Variants in SPMAP2 observed in about 807,000 individuals in gnomAD.
The protein encoded by SPMAP2 is sperm microtubule associated protein 2.
the SPMAP2 span, among the ~76,000 whole-genome samples, chr19:373,257 G>A: frequency 3.3e-5 from 5 of 152,152 alleles, no homozygotes; most frequent in Admixed American, 2.6e-4. Context: ...TTCTTGCCCC[G>A]ATTTGGCCCT....
At chr19:374,512 T>A in the SPMAP2 span, 1 of 1,549,652 alleles carries the variant, frequency 6.5e-7, no homozygotes, top group Non-Finnish European at 8.7e-7. Context: ...CTCAAGCGCC[T>A]TTTGTCTGCA....
chr19:376,001 C>T, the SPMAP2 span: 2 of 1,388,668 alleles, frequency 1.4e-6, no homozygotes, highest in Admixed American at 5.7e-5. Context: ...CCCGCGGCCT[C>T]ACTCTCCCGG....
At chr19:367,373 A>G in the SPMAP2 span, 1 of 770,094 alleles carries the variant, frequency 1.3e-6, no homozygotes, top group Non-Finnish European at 1.9e-6. Flanking sequence ...AAGGATTAGT[A>G]ACTATCACGC....
chr19:369,474 G>A, the SPMAP2 span, among the ~76,000 whole-genome samples: 364 of 152,136 alleles, frequency 2.4e-3, no homozygotes, highest in Non-Finnish European at 2.8e-3. Flanking sequence ...ATGCAAGATG[G>A]CAACCAGGAA....
the SPMAP2 span, chr19:362,242 T>A: frequency 6.4e-7 from 1 of 1,573,260 alleles, no homozygotes; most frequent in Non-Finnish European, 8.6e-7. Context: ...CTGGTGATGC[T>A]TTTGGGGGTG....
chr19:371,359 C>CGG, the SPMAP2 span: 4 of 1,200,032 alleles, frequency 3.3e-6, no homozygotes, highest in East Asian at 1.1e-4. Context: ...GCAGCTCGGC[C>CGG]GGGGGTGGGG....
chr19:370,747 G>A, the SPMAP2 span, among the ~76,000 whole-genome samples: 373 of 152,310 alleles, frequency 2.4e-3, 10 homozygotes, highest in East Asian at 0.063. Context: ...TTGAACCGGC[G>A]ACGACAAGGA....
chr19:367,151 G>A, the SPMAP2 span: 7 of 1,612,144 alleles, frequency 4.3e-6, no homozygotes, highest in Non-Finnish European at 5.9e-6. Flanking sequence ...GGTGGCTGGG[G>A]CCTTCGGCTT....
At chr19:363,842 A>G in the SPMAP2 span, among the ~76,000 whole-genome samples, 2 of 151,540 alleles carry the variant, frequency 1.3e-5, no homozygotes, top group Non-Finnish European at 2.9e-5. Flanking sequence ...GCCCCATTTT[A>G]TTTTATTTTG....
At chr19:362,200 T>G in the SPMAP2 span, 1 of 1,493,110 alleles carries the variant, frequency 6.7e-7, no homozygotes, top group Non-Finnish European at 9.0e-7. Flanking sequence ...AGCGGAGGTC[T>G]TAGAGGCCAG....
chr19:363,772 C>T, the SPMAP2 span, among the ~76,000 whole-genome samples: 7,050 of 151,868 alleles, frequency 0.046, 524 homozygotes, highest in African/African-American at 0.16. Flanking sequence ...TGACTTCAGG[C>T]AACCTGCCCG....
chr19:372,541 C>A, the SPMAP2 span: 14 of 1,370,192 alleles, frequency 1.0e-5, no homozygotes, highest in African/African-American at 5.7e-5. Flanking sequence ...GGACCTGGAC[C>A]CTTTCCCACA....
At chr19:374,636 T>C in the SPMAP2 span, 22,377 of 600,650 alleles carry the variant, frequency 0.037, 541 homozygotes, top group Non-Finnish European at 0.045. Flanking sequence ...GGAAGACCCG[T>C]CCAGGTCACC....
At chr19:361,925 TGTCGTTCCGACTCC>T in the SPMAP2 span, 6 of 256,374 alleles carry the variant, frequency 2.3e-5, no homozygotes, top group South Asian at 1.4e-4. Context: ...TGACTGTGGC[TGTCGTTCCGACTCC>T]GACGGTCCCG....
chr19:374,524 T>C, the SPMAP2 span: 2 of 1,471,556 alleles, frequency 1.4e-6, no homozygotes, highest in Admixed American at 4.1e-5. Context: ...TTGTCTGCAC[T>C]CACCCTGCCC....
chr19:374,418 C>T, the SPMAP2 span: 7 of 1,614,050 alleles, frequency 4.3e-6, no homozygotes, highest in Non-Finnish European at 5.1e-6. Flanking sequence ...TGATGGACAG[C>T]CGGCTTTGGG....
chr19:373,992 C>G, the SPMAP2 span: 1 of 1,613,668 alleles, frequency 6.2e-7, no homozygotes, highest in Non-Finnish European at 8.5e-7. Context: ...CAGGCATACC[C>G]CTTACCACAG....
At chr19:372,921 G>A in the SPMAP2 span, among the ~76,000 whole-genome samples, 10 of 152,294 alleles carry the variant, frequency 6.6e-5, no homozygotes, top group East Asian at 9.7e-4. Context: ...GTCCTTTCTC[G>A]GACACCGGAT....
the SPMAP2 span, chr19:366,996 G>A: frequency 6.6e-7 from 1 of 1,518,338 alleles, no homozygotes; most frequent in African/African-American, 1.4e-5. Flanking sequence ...GCTCTAGGCA[G>A]AGGTATAAGG....
Sources: allele counts gnomAD v4.1 joint callset (sites outside exome capture counted in the v4.1 genomes callset), GRCh38; gene constraint gnomAD v4.1.1; transcripts MANE v1.5; gene names NCBI Gene and HGNC (gene_info 2026-07-23, HGNC 2026-07-21).